Variants in KLF8 observed in about 807,000 individuals in gnomAD.
KLF8 encodes Krueppel-like factor 8.
Under a neutral mutation model 18.2 loss-of-function variants are expected in KLF8, and 10 were observed. The observed-to-expected ratio is 0.55, with a 90% confidence interval of 0.34 to 0.93. The LOEUF is 0.93. Among genes scored for constraint, KLF8 ranks in the 40% least tolerant of loss-of-function variants. KLF8 has a pLI of 0.02. For missense variants in KLF8, 264 were observed against 277.9 expected (o/e 0.95, Z 0.36); for synonymous variants, 109 against 97.3 (o/e 1.12, Z -0.71).
chrX:56,183,356 G>A, the KLF8 span, among the ~76,000 whole-genome samples: 1 of 112,052 alleles, frequency 8.9e-6, no homozygotes. Context: ...TGATTTTCCA[G>A]ATACTGTCTA....
chrX:56,186,790 G>A, the KLF8 span, among the ~76,000 whole-genome samples: 8 of 112,137 alleles, frequency 7.1e-5, no homozygotes, highest in East Asian at 5.6e-4. Flanking sequence ...GGTACATAAC[G>A]AAATGAAGTC....
chrX:56,177,055 C>T, the KLF8 span, among the ~76,000 whole-genome samples: 7 of 111,182 alleles, frequency 6.3e-5, no homozygotes, highest in Non-Finnish European at 1.1e-4. Flanking sequence ...AGAACTTCCT[C>T]TTTAGCTCGG....
At chrX:55,951,520 T>C in the KLF8 span, among the ~76,000 whole-genome samples, 3 of 105,839 alleles carry the variant, frequency 2.8e-5, no homozygotes, top group African/African-American at 1.0e-4. Flanking sequence ...AAGAAAGAGA[T>C]TGTGATAGGT....
the KLF8 span, among the ~76,000 whole-genome samples, chrX:56,030,757 C>G: frequency 2.8e-5 from 3 of 107,738 alleles, no homozygotes; most frequent in African/African-American, 1.0e-4. Context: ...GGGAGGGGCA[C>G]TGTTGGTGCC....
rs2147548309 is a variant in KLF8 at position 56,232,610 on chromosome X, T to A, written c.-725T>A. On this transcript the variant is annotated 5_prime_UTR_variant, in exon 1 of 6. Coordinates refer to ENST00000468660, the MANE Select transcript of KLF8 (RefSeq NM_007250.5). The stretch of plus-strand genomic sequence containing the variant: ...CGCACGAGTTGCTGCCATTTTTCGC[T>A]GAAGCCCCTGCCCTGGGGCTGGTGT... 1 of 111,764 alleles carries A rather than the reference T, an allele frequency of 8.9e-6. No individual in the cohort carries two copies. Among genetic ancestry groups the A allele is most frequent in the East Asian group, 2.8e-4 (1 of 3,525 alleles). The allele number at this position is 111,764 out of a possible 1,213,427, so 9.2% of individuals were successfully genotyped here. A position where few individuals can be genotyped will look rare whatever the true frequency, so the allele number is the denominator to read the frequency against.
chrX:56,183,465 G>A, the KLF8 span, among the ~76,000 whole-genome samples: 1 of 111,758 alleles, frequency 8.9e-6, no homozygotes, highest in Non-Finnish European at 1.9e-5. Flanking sequence ...TCCGTGGGCT[G>A]CACCCACTGT....
At chrX:56,177,471 T>C in the KLF8 span, among the ~76,000 whole-genome samples, 1 of 110,696 alleles carries the variant, frequency 9.0e-6, no homozygotes, top group Non-Finnish European at 1.9e-5. Flanking sequence ...AAGTTTTGTC[T>C]CAGAGGAGTA....
the KLF8 span, among the ~76,000 whole-genome samples, chrX:56,085,515 C>G: frequency 1.0e-5 from 1 of 98,146 alleles, no homozygotes; most frequent in Admixed American, 9.9e-5. Context: ...TTCAGGCTCT[C>G]TATGTATTGG....
intron 5 of KLF8, among the ~76,000 whole-genome samples, chrX:56,274,375 T>C (rs2067095405): frequency 8.9e-6 from 1 of 112,177 alleles, no homozygotes; most frequent in Non-Finnish European, 1.9e-5. Flanking sequence ...TTTTCTCCTA[T>C]AGAGTTTTTT....
the KLF8 span, among the ~76,000 whole-genome samples, chrX:56,218,567 A>G: frequency 8.9e-6 from 1 of 112,171 alleles, no homozygotes; most frequent in Non-Finnish European, 1.9e-5. Flanking sequence ...GGAACCCATC[A>G]TGTACTAGTG....
the KLF8 span, among the ~76,000 whole-genome samples, chrX:55,936,758 C>T: frequency 9.0e-6 from 1 of 111,498 alleles, no homozygotes. Flanking sequence ...GAGTCCTACG[C>T]CCATGGATCC....
the KLF8 span, among the ~76,000 whole-genome samples, chrX:55,991,379 CT>C: frequency 1.5e-4 from 17 of 111,897 alleles, no homozygotes; most frequent in African/African-American, 5.5e-4. Context: ...GTGGGAGTGA[CT>C]CGTTTCCAGT....
At chrX:56,256,796 T>C (rs2066802158) in intron 2 of KLF8, among the ~76,000 whole-genome samples, 1 of 111,786 alleles carries the variant, frequency 8.9e-6, no homozygotes, top group African/African-American at 3.3e-5. Flanking sequence ...TTCTGTCCCC[T>C]GAGTTCAAGT....
chrX:56,043,991 T>C, the KLF8 span, among the ~76,000 whole-genome samples: 1 of 111,351 alleles, frequency 9.0e-6, no homozygotes, highest in Non-Finnish European at 1.9e-5. Flanking sequence ...TTTTGTGGGT[T>C]CTTTTTTGTT....
the KLF8 span, among the ~76,000 whole-genome samples, chrX:56,119,471 T>G: frequency 9.0e-6 from 1 of 110,951 alleles, no homozygotes; most frequent in Non-Finnish European, 1.9e-5. Flanking sequence ...TGGCGTGATC[T>G]TGGCTCATTG....
chrX:56,281,658 C>T lies in KLF8; in HGVS notation c.899-2655C>T, dbSNP rs138392479. ...TCCTGACCTCAAGTGATCCATGTGC[C>T]TCAGCCTCCCAAAGTGCTGGGATTA... On this transcript the variant is annotated intron_variant, in intron 5 of 5. Coordinates refer to ENST00000468660, the MANE Select transcript of KLF8 (RefSeq NM_007250.5). Among the ~76,000 whole-genome samples the T allele has an allele frequency of 7.9e-3, 881 of 112,106 alleles. 11 individuals carry two copies. The highest frequency in any genetic ancestry group is 0.028 in the African/African-American group (854 of 30,839).
chrX:56,252,700 T>G (rs1001020998), intron 2 of KLF8, among the ~76,000 whole-genome samples: 2 of 112,418 alleles, frequency 1.8e-5, no homozygotes, highest in African/African-American at 6.5e-5. Context: ...CAGATATCTC[T>G]TTGATATACT....
At chrX:56,026,769 T>G in the KLF8 span, among the ~76,000 whole-genome samples, 1 of 111,703 alleles carries the variant, frequency 9.0e-6, no homozygotes, top group Non-Finnish European at 1.9e-5. Flanking sequence ...ACGGGTTACT[T>G]CACGAGCTTT....
the KLF8 span, among the ~76,000 whole-genome samples, chrX:55,939,826 G>A: frequency 2.7e-5 from 3 of 111,801 alleles, no homozygotes; most frequent in African/African-American, 6.5e-5. Context: ...ACTAAACCAG[G>A]AAGAAGTTGA....
Sources: allele counts gnomAD v4.1 joint callset (sites outside exome capture counted in the v4.1 genomes callset), GRCh38; gene constraint gnomAD v4.1.1; transcripts MANE v1.5; gene names NCBI Gene and HGNC (gene_info 2026-07-23, HGNC 2026-07-21).